Variants in DMXL2 observed in about 807,000 individuals in gnomAD.
The protein encoded by DMXL2 is Dmx like 2, also known as dmX-like protein 2.
DMXL2 carries 103 observed loss-of-function variants against 331.1 expected under a neutral mutation model. The ratio of observed to expected loss-of-function variants is 0.31; its 90% CI spans 0.27 to 0.37. The LOEUF is 0.37. DMXL2 is among the 10% of genes least tolerant of loss of function. The pLI, the probability that DMXL2 is intolerant of heterozygous loss-of-function variation, is 1.00. For synonymous variants in DMXL2, 1,281 were observed against 1,252.1 expected (o/e 1.02, Z -0.49); for missense variants, 3,171 against 3,642.9 (o/e 0.87, Z 3.33).
Position 51,480,021 on chromosome 15 carries a change from T to C in DMXL2, c.6683A>G (p.Asn2228Ser), listed in dbSNP as rs778625215. 2 of 1,594,084 alleles carry C rather than the reference T, an allele frequency of 1.3e-6. No homozygotes were observed. The highest frequency in any genetic ancestry group is 1.7e-6 in the Non-Finnish European group (2 of 1,164,222). Residue 2228 changes from asparagine (N) to serine (S), a missense_variant, in exon 25 of 44, where the codon AAT becomes AGT. Asn to Ser is a conservative substitution (Grantham distance 46). This residue lies in a region of DMXL2 where 197 missense variants were observed against 196.2 expected (regional missense o/e 1.00). Transcript: ENST00000560891. ...AGTATAAAGTATATCATGGATGTGA[T>C]TATTTAAGTACAATACAGGATTAGC... ...VIANPVLYLN[N>S]HIHDILYTIV... is the part of the protein sequence containing the mutation.
intron 6 of DMXL2, among the ~76,000 whole-genome samples, chr15:51,556,092 C>G (rs1005357322): frequency 2.0e-5 from 3 of 151,964 alleles, no homozygotes; most frequent in Non-Finnish European, 2.9e-5. Flanking sequence ...GCCTGTAATC[C>G]CAGCACTTTG....
chr15:51,541,471 C>G (rs1342686381), intron 9 of DMXL2, among the ~76,000 whole-genome samples: 7 of 151,994 alleles, frequency 4.6e-5, no homozygotes, highest in African/African-American at 1.7e-4. Context: ...CAATTTGGAC[C>G]AGCCACATTT....
chr15:51,549,943 G>A (rs1011151510), intron 6 of DMXL2, among the ~76,000 whole-genome samples: 1 of 151,950 alleles, frequency 6.6e-6, no homozygotes, highest in Non-Finnish European at 1.5e-5. Flanking sequence ...TTCATTTACT[G>A]TGCAGAAACT....
intron 1 of DMXL2, among the ~76,000 whole-genome samples, chr15:51,576,481 C>T (rs1009116124): frequency 6.6e-6 from 1 of 152,070 alleles, no homozygotes; most frequent in African/African-American, 2.4e-5. Context: ...TTTAGACTTT[C>T]TCTCCAAAGT....
intron 5 of DMXL2, among the ~76,000 whole-genome samples, chr15:51,563,736 T>C (rs11632853): frequency 0.44 from 67,287 of 151,792 alleles, 15,474 homozygotes; most frequent in Non-Finnish European, 0.5. Flanking sequence ...AAAGCTGAGC[T>C]TATCATCATC....
chr15:51,534,191 G>T (rs1288697532), intron 13 of DMXL2, among the ~76,000 whole-genome samples: 1 of 152,074 alleles, frequency 6.6e-6, no homozygotes, highest in Non-Finnish European at 1.5e-5. Context: ...TAATGAGAGA[G>T]GTCACAATAT....
intron 1 of DMXL2, among the ~76,000 whole-genome samples, chr15:51,591,392 C>A (rs1471571657): frequency 6.6e-6 from 1 of 152,104 alleles, no homozygotes; most frequent in Non-Finnish European, 1.5e-5. Flanking sequence ...GGGAGGGGCG[C>A]CCACCATTGC....
In DMXL2 at chr15:51,517,170, G is replaced by A; in HGVS notation, c.2437-3C>T. 1.9e-6 allele frequency: 3 copies of A among 1,610,636 alleles called. No individual in the cohort carries two copies. The South Asian group carries it at 3.3e-5, about 18-fold the overall frequency. ...TTAAACACTTCTCCAATAAGTTTCT[G>A]TAAATAAAAAACACAAAATGTTAAT... On this transcript the variant is annotated splice_region_variant and splice_polypyrimidine_tract_variant and intron_variant, in intron 13 of 43. Coordinates refer to ENST00000560891, the MANE Select transcript of DMXL2 (RefSeq NM_001378457.1).
chr15:51,506,501 T>TGGAGTGCA (rs1384591451), intron 16 of DMXL2, among the ~76,000 whole-genome samples: 3 of 149,724 alleles, frequency 2.0e-5, no homozygotes. Flanking sequence ...TCGCCCAGGC[T>TGGAGTGCA]GGAGTGCAGT....
chr15:51,531,853 A>G (rs1479516834), intron 13 of DMXL2, among the ~76,000 whole-genome samples: 1 of 152,224 alleles, frequency 6.6e-6, no homozygotes, highest in Non-Finnish European at 1.5e-5. Context: ...AATGGCTTAT[A>G]TCCAAAAGAC....
chr15:51,514,300 G>A, intron 15 of DMXL2, 142 bp downstream of exon 15: 1 of 555,268 alleles, frequency 1.8e-6, no homozygotes, highest in Non-Finnish European at 3.1e-6. Context: ...TCATCTACAA[G>A]CAAGCAATTT....
chr15:51,604,909 C>G (rs571281255), intron 1 of DMXL2, among the ~76,000 whole-genome samples: 2 of 152,192 alleles, frequency 1.3e-5, no homozygotes, highest in East Asian at 3.9e-4. Flanking sequence ...ATCAGTGCAA[C>G]AGAATACAGA....
intron 3 of DMXL2, 29 bp downstream of exon 3, chr15:51,568,458 A>C: frequency 4.3e-6 from 6 of 1,386,520 alleles, no homozygotes; most frequent in Non-Finnish European, 5.9e-6. Flanking sequence ...CTAGATTCTA[A>C]AAGTATTCTA....
Position 51,465,669 on chromosome 15 carries a change from A to G in DMXL2, c.7521-18T>C. 1 of 1,527,834 alleles carries G rather than the reference A, an allele frequency of 6.5e-7. No individual in the cohort carries two copies. The highest frequency in any genetic ancestry group is 1.2e-5 in the South Asian group (1 of 83,128). 94.6% of individuals were successfully genotyped at this position (1,527,834 alleles called of 1,614,324 possible). On this transcript the variant is annotated intron_variant, in intron 30 of 43. Transcript: ENST00000560891. ...GAGCCCAGCTGTTCAAGGAGGGGCA[A>G]AAAGAGTCTTTAAGTGAAAAATAAA...
intron 1 of DMXL2, among the ~76,000 whole-genome samples, chr15:51,607,872 A>G (rs977586135): frequency 3.3e-5 from 5 of 152,204 alleles, no homozygotes; most frequent in African/African-American, 1.2e-4. Context: ...TCTACCTGCT[A>G]AAAGACAGCA....
At chr15:51,593,749 G>A (rs2052576755) in intron 1 of DMXL2, among the ~76,000 whole-genome samples, 1 of 152,150 alleles carries the variant, frequency 6.6e-6, no homozygotes, top group Admixed American at 6.5e-5. Context: ...CTAGAACTCA[G>A]GATTAAGAAA....
intron 1 of DMXL2, among the ~76,000 whole-genome samples, chr15:51,593,031 A>G (rs983428486): frequency 5.9e-5 from 9 of 152,214 alleles, no homozygotes; most frequent in African/African-American, 2.2e-4. Flanking sequence ...ACCAGCTAAC[A>G]TCATAATGAC....
chr15:51,583,518 G>A (rs2051633043), intron 1 of DMXL2, among the ~76,000 whole-genome samples: 1 of 29,912 alleles, frequency 3.3e-5, no homozygotes, highest in African/African-American at 1.4e-4. Flanking sequence ...TCTTAATCCA[G>A]TCTATCATTG....
intron 32 of DMXL2, among the ~76,000 whole-genome samples, chr15:51,463,955 C>CT (rs926663603): frequency 1.3e-5 from 2 of 151,910 alleles, no homozygotes; most frequent in African/African-American, 4.8e-5. Flanking sequence ...AAGCATGCTG[C>CT]TTATCAAAAG....
Sources: gnomAD v4.1 joint callset for allele counts (sites outside exome capture counted in the v4.1 genomes callset) on GRCh38, gnomAD v4.1.1 for gene constraint, gnomAD v4.1.1 regional missense constraint, MANE v1.5 for transcripts, NCBI Gene and HGNC (gene_info 2026-07-23, HGNC 2026-07-21) for gene names.